Variants in NCAM2 observed in about 807,000 individuals in gnomAD.
NCAM2 encodes the protein neural cell adhesion molecule 2, also known as N-CAM-2.
A neutral mutation model predicts 98.1 loss-of-function variants in NCAM2; 30 were observed. The observed-to-expected ratio is 0.31, with a 90% CI of 0.23 to 0.41. NCAM2 has a LOEUF of 0.41. Among genes scored for constraint, NCAM2 ranks in the 10% least tolerant of loss-of-function variants. The pLI is 1.00. For synonymous variants in NCAM2, 368 were observed against 342.4 expected (o/e 1.07, Z -0.83); for missense variants, 867 against 1,005.8 (o/e 0.86, Z 1.87).
chr21:21,007,028 C>G (rs1409738925), intron 1 of NCAM2, among the ~76,000 whole-genome samples: 4 of 152,104 alleles, frequency 2.6e-5, no homozygotes, highest in African/African-American at 9.7e-5. Context: ...CCTCCTAATC[C>G]TGTCTTTTCC....
intron 1 of NCAM2, among the ~76,000 whole-genome samples, chr21:21,128,532 T>C (rs755765836): frequency 1.3e-5 from 2 of 152,154 alleles, no homozygotes; most frequent in African/African-American, 4.8e-5. Context: ...AAAATCATAA[T>C]TGAGCATTTT....
At chr21:21,492,343 C>A (rs549977180) in intron 15 of NCAM2, among the ~76,000 whole-genome samples, 35 of 151,852 alleles carry the variant, frequency 2.3e-4, no homozygotes, top group African/African-American at 8.4e-4. Flanking sequence ...TGGAGAACAA[C>A]AACAAAAAAT....
At chr21:21,257,832 CG>C (rs1318156284) in intron 1 of NCAM2, among the ~76,000 whole-genome samples, 1 of 152,168 alleles carries the variant, frequency 6.6e-6, no homozygotes, top group Non-Finnish European at 1.5e-5. Context: ...CTGCCCGCCT[CG>C]GGCTTCCAAA....
intron 6 of NCAM2, among the ~76,000 whole-genome samples, chr21:21,325,747 G>T (rs970463788): frequency 6.6e-6 from 1 of 152,048 alleles, no homozygotes; most frequent in African/African-American, 2.4e-5. Flanking sequence ...TTTCCACAGA[G>T]ATTTCTTTTT....
In NCAM2 at chr21:21,207,858, CA is replaced by C. The variant is rs1748097049; in HGVS notation, c.56-72719del. Reference sequence around the variant, plus strand: ...AAATATTACACTTGAATGTAAACTGCATATTATCAGGGCAATACAGATGCTT... The same window carrying C: ...AAATATTACACTTGAATGTAAACTGCTATTATCAGGGCAATACAGATGCTT... On this transcript the variant is annotated intron_variant, in intron 1 of 17. Coordinates refer to ENST00000400546, the MANE Select transcript of NCAM2 (RefSeq NM_004540.5). Among the ~76,000 whole-genome samples the C allele has an allele frequency of 2.0e-5, 3 of 152,122 alleles. 1 individual carries two copies. In the South Asian group the frequency reaches 6.2e-4, roughly 32 times the overall value.
At position 21,292,113 on chromosome 21, in the gene NCAM2, C is replaced by T; in HGVS notation, c.491C>T (p.Ala164Val). 1 of 1,609,284 alleles carries T rather than the reference C, an allele frequency of 6.2e-7. No individual in the cohort carries two copies. The highest frequency in any genetic ancestry group is 1.1e-5 in the South Asian group (1 of 90,496). ...EVTTISDNRFAMLANNNLQIL... is the reference protein window; with the variant it reads ...EVTTISDNRFVMLANNNLQIL... Reference sequence around the variant, plus strand: ...TTTGCTTTCTTTCCAGATCGGTTCGCTATGTTAGCAAACAATAACCTGCAG... The same window carrying T: ...TTTGCTTTCTTTCCAGATCGGTTCGTTATGTTAGCAAACAATAACCTGCAG... The change falls in exon 5 of 18, where the codon GCT (alanine) becomes GTT (valine). Residue 164 changes from alanine to valine, a missense_variant. This residue lies in a region of NCAM2 where 447 missense variants were observed against 495.7 expected (regional missense o/e 0.90). Transcript: ENST00000400546.
In NCAM2 at chr21:21,538,862, A is replaced by G. The variant is rs1285934182; in HGVS notation, c.*905A>G. 1 of 152,150 alleles carries G rather than the reference A, an allele frequency of 6.6e-6. No individual in the cohort carries two copies. The highest frequency in any genetic ancestry group is 1.5e-5 in the Non-Finnish European group (1 of 68,004). The allele number at this position is 152,150 out of a possible 1,614,324, so 9.4% of individuals were successfully genotyped here. A position where few individuals can be genotyped will look rare whatever the true frequency, so the allele number is the denominator to read the frequency against. On this transcript the variant is annotated 3_prime_UTR_variant, in exon 18 of 18. Transcript: ENST00000400546. ...TCAAAAAACAAGTCTTTAGTGTTCA[A>G]ATACTTCAAATCATATCCTCAGATA...
intron 1 of NCAM2, among the ~76,000 whole-genome samples, chr21:21,081,774 C>T (rs1306060688): frequency 6.6e-6 from 1 of 151,094 alleles, no homozygotes; most frequent in Non-Finnish European, 1.5e-5. Context: ...GCACTCCAGC[C>T]AGGGTGGCAG....
intron 1 of NCAM2, among the ~76,000 whole-genome samples, chr21:21,173,559 A>C (rs1346081338): frequency 6.6e-6 from 1 of 152,204 alleles, no homozygotes; most frequent in African/African-American, 2.4e-5. Flanking sequence ...GAACATGCTA[A>C]ACTGAGTTTA....
rs941516093 is a variant in NCAM2, at chr21:21,449,204, G to A, written c.1654+16923G>A. On this transcript the variant is annotated intron_variant, in intron 12 of 17. Transcript: ENST00000400546. ...CAATAAAATTAATGAGCTTTTCTGT[G>A]CATGCATAATTTTATGAATCAAATA... 2.0e-5 allele frequency among the ~76,000 whole-genome samples: 3 copies of A among 151,602 alleles called. 1 individual carries two copies. The highest frequency in any genetic ancestry group is 7.3e-5 in the African/African-American group (3 of 41,264).
chr21:21,448,235 T>C (rs1980488611), intron 12 of NCAM2, among the ~76,000 whole-genome samples: 1 of 152,020 alleles, frequency 6.6e-6, no homozygotes, highest in Non-Finnish European at 1.5e-5. Context: ...TGAGAACATG[T>C]CCTTTGCAGG....
At chr21:21,209,571 A>G (rs1431923754) in intron 1 of NCAM2, among the ~76,000 whole-genome samples, 3 of 152,016 alleles carry the variant, frequency 2.0e-5, no homozygotes, top group African/African-American at 7.2e-5. Context: ...GCAGGATGGG[A>G]AAAGGGCAGG....
intron 1 of NCAM2, among the ~76,000 whole-genome samples, chr21:21,151,578 T>C (rs1433421119): frequency 6.6e-6 from 1 of 152,058 alleles, no homozygotes; most frequent in Non-Finnish European, 1.5e-5. Context: ...TCCTTTCAGT[T>C]CTTCAGGTAT....
intron 1 of NCAM2, among the ~76,000 whole-genome samples, chr21:21,265,256 CGTATATACACACATATATGTACACATAT>C (rs2072187495): frequency 2.5e-5 from 3 of 121,328 alleles, no homozygotes; most frequent in African/African-American, 9.1e-5. Context: ...TGTATATATA[CGTATATACACACATATATGTACACATAT>C]GTGTGTATAT....
intron 13 of NCAM2, 121 bp from the exon 14 acceptor site, chr21:21,468,541 A>G: frequency 1.1e-6 from 1 of 914,538 alleles, no homozygotes; most frequent in Non-Finnish European, 1.5e-6. Flanking sequence ...GGCAATGTCA[A>G]ATGGTAAATC....
chr21:21,150,354 C>T (rs114765379), intron 1 of NCAM2, among the ~76,000 whole-genome samples: 1,977 of 152,146 alleles, frequency 0.013, 57 homozygotes, highest in African/African-American at 0.046. Flanking sequence ...GCCTAGTCTG[C>T]TGCCTAGGGA....
At chr21:21,177,793 T>C (rs2068343454) in intron 1 of NCAM2, among the ~76,000 whole-genome samples, 1 of 147,206 alleles carries the variant, frequency 6.8e-6, no homozygotes, top group South Asian at 2.4e-4. Flanking sequence ...CACTCTCCTC[T>C]CTTTCTTCCT....
intron 5 of NCAM2, among the ~76,000 whole-genome samples, chr21:21,317,816 C>G (rs1419679019): frequency 6.6e-6 from 1 of 152,048 alleles, no homozygotes; most frequent in Non-Finnish European, 1.5e-5. Context: ...ATTACAGGTG[C>G]GAGCCACCAG....
chr21:21,172,660 A>G (rs2068161749), intron 1 of NCAM2, among the ~76,000 whole-genome samples: 1 of 152,102 alleles, frequency 6.6e-6, no homozygotes, highest in African/African-American at 2.4e-5. Flanking sequence ...GTTTTCTCTT[A>G]CTTACTAAAT....
Sources: allele counts gnomAD v4.1 joint callset (sites outside exome capture counted in the v4.1 genomes callset), GRCh38; gene constraint gnomAD v4.1.1; regional missense constraint gnomAD v4.1.1; transcripts MANE v1.5; gene names NCBI Gene and HGNC (gene_info 2026-07-23, HGNC 2026-07-21).